Variants in SH2D7 observed in about 807,000 individuals in gnomAD.
SH2D7 encodes SH2 domain-containing protein 7.
A neutral mutation model predicts 40.8 loss-of-function variants in SH2D7; 32 were observed. The ratio of observed to expected loss-of-function variants is 0.78; its 90% CI spans 0.59 to 1.05. The LOEUF is 1.05. Ranked by LOEUF, SH2D7 falls within the 50% of genes least tolerant of loss-of-function variation. SH2D7 has a pLI of 0.00. For missense variants in SH2D7, 559 were observed against 566.6 expected, an observed-to-expected ratio of 0.99 and a Z score of 0.14; for synonymous variants, 195 against 221.5, an observed-to-expected ratio of 0.88 and a Z score of 1.06.
upstream of SH2D7, chr15:78,092,446 G>T: frequency 1.0e-6 from 1 of 956,226 alleles, no homozygotes. Flanking sequence ...CCAGCCACCA[G>T]CCCAGAGGTG....
chr15:78,103,638 A>G lies in SH2D7; in HGVS notation c.*123A>G. 3 of 1,241,890 alleles carry G rather than the reference A, an allele frequency of 2.4e-6. No individual in the cohort carries two copies. Among genetic ancestry groups the G allele is most frequent in the Non-Finnish European group, 3.4e-6 (3 of 890,248 alleles). 76.9% of individuals were successfully genotyped at this position (1,241,890 alleles called of 1,614,324 possible). ...GATCTTGAGACTCATCCAGCCTGCT[A>G]CAGAACTAGGCTCCGAGACAGCCGA... is the stretch of plus-strand genomic sequence containing the variant. On this transcript the variant is annotated 3_prime_UTR_variant, in exon 6 of 6. Transcript: ENST00000328828.
rs555297882 is a variant in SH2D7 at position 78,097,960 on chromosome 15, A to G, written c.298A>G (p.Asn100Asp). Residue 100 changes from asparagine (N) to aspartate (D), a missense_variant, in exon 3 of 6, where the codon AAC becomes GAC. Physicochemically the swap from Asn to Asp is conservative, Grantham distance 23. Transcript: ENST00000328828. ...TGATCGCTGCCGACATTTTGTCATCAACCAGCTTCGAAACCGGCGTTACAT... is the reference window on the plus strand; with the variant it reads ...TGATCGCTGCCGACATTTTGTCATCGACCAGCTTCGAAACCGGCGTTACAT... The part of the protein sequence containing the change: ...GSDRCRHFVI[N>D]QLRNRRYIIS... The G allele has an allele frequency of 6.0e-5, 96 of 1,610,090 alleles. No homozygotes were observed. The South Asian group carries it at 9.2e-4, about 15-fold the overall frequency.
chr15:78,091,372 C>A (rs1332200716), upstream of SH2D7: 1 of 152,152 alleles, frequency 6.6e-6, no homozygotes, highest in African/African-American at 2.4e-5. Context: ...CATAATGACC[C>A]TAGAGTCTAG....
At chr15:78,092,889 G>A in intron 1 of SH2D7, 129 bp downstream of exon 1, 1 of 1,219,606 alleles carries the variant, frequency 8.2e-7, no homozygotes, top group Non-Finnish European at 1.1e-6. Context: ...CTTGGAGGCG[G>A]GGGGCAGGGG....
In SH2D7 at chr15:78,101,313, A is replaced by G. The variant is rs1469182197; in HGVS notation, c.1060A>G (p.Ile354Val). 3 of 1,613,020 alleles carry G rather than the reference A, an allele frequency of 1.9e-6. No individual in the cohort carries two copies. The highest frequency in any genetic ancestry group is 2.5e-6 in the Non-Finnish European group (3 of 1,179,624). Residue 354 changes from isoleucine (I) to valine (V), a missense_variant, in exon 5 of 6, where the codon ATC (isoleucine) becomes GTC (valine). By Grantham distance (29) the Ile-to-Val change is conservative (BLOSUM62 3). Coordinates refer to ENST00000328828, the MANE Select transcript of SH2D7 (RefSeq NM_001101404.2). ...CAGCTCTGCAGATATCTATGAGTTC[A>G]TCGGGACAGAAGGCCTCCTGCAAGA... The part of the protein sequence containing the change: ...QGSSADIYEF[I>V]GTEGLLQEAR...
rs964332464 is a variant in SH2D7 at position 78,097,963 on chromosome 15, C to T, written c.301C>T (p.Gln101Ter). 3.1e-6 allele frequency: 5 copies of T among 1,609,372 alleles called. No homozygotes were observed. Among genetic ancestry groups the T allele is most frequent in the East Asian group, 2.3e-5 (1 of 44,436 alleles). ...TCGCTGCCGACATTTTGTCATCAAC[C>T]AGCTTCGAAACCGGCGTTACATCAT... ...SDRCRHFVIN[Q>*]LRNRRYIISG... Residue 101 changes from glutamine to a stop codon, truncating the protein, a stop_gained, in exon 3 of 6, where the codon CAG (glutamine) becomes TAG (stop). Transcript: ENST00000328828. LOFTEE classifies it high-confidence loss of function.
intron 2 of SH2D7, among the ~76,000 whole-genome samples, chr15:78,097,727 C>G (rs2073981973): frequency 6.6e-6 from 1 of 152,108 alleles, no homozygotes; most frequent in Admixed American, 6.5e-5. Flanking sequence ...TCCCAGGGCT[C>G]CACGGTTTGA....
intron 4 of SH2D7, among the ~76,000 whole-genome samples, chr15:78,099,479 A>AAT (rs1473905800): frequency 2.6e-5 from 3 of 115,978 alleles, no homozygotes; most frequent in African/African-American, 9.8e-5. Context: ...ATGCCTGGCT[A>AAT]ATTTTTTTTT....
chr15:78,092,847 T>C, intron 1 of SH2D7, 87 bp downstream of exon 1: 4 of 1,421,808 alleles, frequency 2.8e-6, no homozygotes, highest in Non-Finnish European at 2.8e-6. Flanking sequence ...ATCAGACTGG[T>C]TCCCATCCTT....
chr15:78,099,447 G>A (rs1313271436), intron 4 of SH2D7, among the ~76,000 whole-genome samples: 1 of 151,378 alleles, frequency 6.6e-6, no homozygotes, highest in African/African-American at 2.4e-5. Context: ...CTGAGTAGCT[G>A]GGATTACAGG....
intron 4 of SH2D7, 35 bp from the exon 5 acceptor site, chr15:78,100,864 G>T (rs766983975): frequency 1.3e-6 from 2 of 1,598,386 alleles, no homozygotes; most frequent in African/African-American, 2.7e-5. Flanking sequence ...GTGATGGGCT[G>T]CCCCTTAAGA....
Position 78,101,327 on chromosome 15 carries a change from C to T in SH2D7, c.1074C>T (p.Gly358=), listed in dbSNP as rs1274596374. 1 of 1,613,178 alleles carries T rather than the reference C, an allele frequency of 6.2e-7. No homozygotes were observed. Among genetic ancestry groups the T allele is most frequent in the Non-Finnish European group, 8.5e-7 (1 of 1,179,638 alleles). Residue 358 remains glycine, a synonymous_variant, in exon 5 of 6, where the codon GGC becomes GGT. Transcript: ENST00000328828. ...TCTATGAGTTCATCGGGACAGAAGG[C>T]CTCCTGCAAGAGGCCAGGGACACAC... is the stretch of plus-strand genomic sequence containing the variant. ...ADIYEFIGTE[G]LLQEARDTPD... is the part of the protein sequence containing the mutation.
chr15:78,094,216 C>T lies in SH2D7; in HGVS notation c.266+15C>T. 6.2e-7 allele frequency: 1 copy of T among 1,600,186 alleles called. No homozygotes were observed. The highest frequency in any genetic ancestry group is 8.5e-7 in the Non-Finnish European group (1 of 1,173,414). ...TTGTCCTACAGGTAAGAGGGGAAGC[C>T]CTCTGGGCAAGCAAGCTCATCCTAC... On this transcript the variant is annotated intron_variant, in intron 2 of 5. Transcript: ENST00000328828.
At chr15:78,099,325 A>AT (rs2073997046) in intron 4 of SH2D7, among the ~76,000 whole-genome samples, 1 of 147,500 alleles carries the variant, frequency 6.8e-6, no homozygotes, top group African/African-American at 2.5e-5. Context: ...TTTTATTTTT[A>AT]TTTTTGAGAC....
chr15:78,091,167 C>T (rs765187869), upstream of SH2D7: 1 of 152,056 alleles, frequency 6.6e-6, no homozygotes, highest in Admixed American at 6.6e-5. Flanking sequence ...GGTCTGGCCT[C>T]AAGGAAAAAT....
In SH2D7 at chr15:78,097,415, A is replaced by G. The variant is rs141830512; in HGVS notation, c.267-514A>G. ...GTAGGATTTTAGGGTGGGACTTTAC[A>G]GGCCGAAGAGGGGGTGGGAGCTGGA... is the stretch of plus-strand genomic sequence containing the variant. On this transcript the variant is annotated intron_variant, in intron 2 of 5. Transcript: ENST00000328828. Among the ~76,000 whole-genome samples, 668 of 152,108 alleles carry G rather than the reference A, an allele frequency of 4.4e-3. 3 individuals are homozygous for G. Among genetic ancestry groups the G allele is most frequent in the African/African-American group, 0.015 (623 of 41,474 alleles).
At chr15:78,099,863 T>C (rs2074000915) in intron 4 of SH2D7, among the ~76,000 whole-genome samples, 1 of 152,264 alleles carries the variant, frequency 6.6e-6, no homozygotes, top group Middle Eastern at 3.4e-3. Context: ...CTCTACCATC[T>C]GCCTGCAATG....
chr15:78,094,084 C>T (rs1015865931), intron 1 of SH2D7, 28 bp from the exon 2 acceptor site: 2 of 1,582,668 alleles, frequency 1.3e-6, no homozygotes, highest in African/African-American at 2.7e-5. Context: ...GGGCACAGAC[C>T]CCAGCTAATG....
intron 1 of SH2D7, among the ~76,000 whole-genome samples, chr15:78,093,025 G>A (rs967239407): frequency 2.6e-5 from 4 of 152,226 alleles, no homozygotes; most frequent in African/African-American, 4.8e-5. Flanking sequence ...AGGACAGAAA[G>A]AGGGCCAGGC....
Sources: allele counts gnomAD v4.1 joint callset (sites outside exome capture counted in the v4.1 genomes callset), GRCh38; gene constraint gnomAD v4.1.1; transcripts MANE v1.5; gene names NCBI Gene and HGNC (gene_info 2026-07-23, HGNC 2026-07-21).